The following FBN3 variants were observed in gnomAD, a reference collection of about 807,000 sequenced individuals.
The protein encoded by FBN3 is fibrillin-3.
In FBN3, 234 loss-of-function variants were observed where a neutral mutation model predicts 330.1. The observed-to-expected ratio is 0.71, with a 90% CI of 0.64 to 0.79. The LOEUF (loss-of-function observed/expected upper bound fraction) is 0.79, where lower values mean the gene tolerates loss of function less well. Ranked by LOEUF, FBN3 falls within the 30% of genes least tolerant of loss-of-function variation. The probability of loss-of-function intolerance (pLI) is 0.00; values close to 1 mark genes in which losing one functional copy is unlikely to be tolerated. For synonymous variants in FBN3, 1,458 were observed against 1,517.3 expected (o/e 0.96, Z 0.91); for missense variants, 3,606 against 3,886.9 (o/e 0.93, Z 1.92).
intron 29 of FBN3, 113 bp from the exon 30 acceptor site, chr19:8,115,753 G>T: frequency 8.0e-7 from 1 of 1,249,112 alleles, no homozygotes; most frequent in South Asian, 1.4e-5. Context: ...CGCCGCACAG[G>T]TCCTCTCTGC....
At chr19:8,098,814 G>A (rs1475280694) in intron 41 of FBN3, among the ~76,000 whole-genome samples, 1 of 151,898 alleles carries the variant, frequency 6.6e-6, no homozygotes, top group Non-Finnish European at 1.5e-5. Flanking sequence ...ATCCAAAGGG[G>A]ACTGGAAACA....
chr19:8,072,325 G>A, intron 62 of FBN3, 127 bp from the exon 63 acceptor site: 1 of 1,009,032 alleles, frequency 9.9e-7, no homozygotes, highest in South Asian at 1.6e-5. Context: ...AAATGCCTCT[G>A]AGCATGTGCT....
intron 41 of FBN3, among the ~76,000 whole-genome samples, chr19:8,098,114 T>C (rs776762491): frequency 6.6e-6 from 1 of 152,228 alleles, no homozygotes; most frequent in Non-Finnish European, 1.5e-5. Context: ...GAGGGCACTT[T>C]AAATGGGTGA....
At chr19:8,077,763 A>C (rs1031029798) in intron 59 of FBN3, among the ~76,000 whole-genome samples, 2 of 151,922 alleles carry the variant, frequency 1.3e-5, no homozygotes, top group Non-Finnish European at 2.9e-5. Flanking sequence ...GGCCACAGAG[A>C]ATAGCTCTAG....
intron 61 of FBN3, among the ~76,000 whole-genome samples, chr19:8,074,212 A>G (rs1259605366): frequency 3.3e-5 from 5 of 152,124 alleles, no homozygotes; most frequent in Admixed American, 2.0e-4. Flanking sequence ...GGGAGGAAAC[A>G]AGTTGAGGAA....
chr19:8,093,021 T>C (rs531295499), intron 47 of FBN3, among the ~76,000 whole-genome samples: 50 of 152,066 alleles, frequency 3.3e-4, no homozygotes, highest in African/African-American at 1.1e-3. Context: ...CTTATCCATG[T>C]AACCAAAAAC....
At position 8,110,969 on chromosome 19, in the gene FBN3, T is replaced by G. The variant is rs1270012318; in HGVS notation, c.4211-2A>C. The G allele has an allele frequency of 6.2e-7, 1 of 1,614,220 alleles. No homozygotes were observed. Among genetic ancestry groups the G allele is most frequent in the East Asian group, 2.2e-5 (1 of 44,882 alleles). Reference sequence around the variant, plus strand: ...TCCCTTGCGCACACTCGTCCACATCTGCGGGGACCCTGGGTCAGCCTGCCC... The same window carrying G: ...TCCCTTGCGCACACTCGTCCACATCGGCGGGGACCCTGGGTCAGCCTGCCC... On this transcript the variant is annotated splice_acceptor_variant, in intron 33 of 63. Coordinates refer to ENST00000600128, the MANE Select transcript of FBN3 (RefSeq NM_032447.5). LOFTEE classifies it high-confidence loss of function.
chr19:8,126,125 G>A (rs2039770093), intron 21 of FBN3, 108 bp from the exon 22 acceptor site: 1 of 1,518,746 alleles, frequency 6.6e-7, no homozygotes, highest in African/African-American at 1.4e-5. Context: ...AGGGGACGGG[G>A]ACACGGGGAC....
intron 63 of FBN3, among the ~76,000 whole-genome samples, chr19:8,070,351 T>C (rs910206949): frequency 1.3e-5 from 2 of 152,222 alleles, no homozygotes; most frequent in Non-Finnish European, 2.9e-5. Flanking sequence ...GTGTCTCCCT[T>C]TTAGAATATC....
intron 56 of FBN3, among the ~76,000 whole-genome samples, 172 bp from the exon 57 acceptor site, chr19:8,083,544 C>T (rs2081858084): frequency 6.6e-6 from 1 of 152,110 alleles, no homozygotes; most frequent in South Asian, 2.1e-4. Flanking sequence ...CTGCGGATGA[C>T]ACCTGAGCCC....
chr19:8,119,596 C>A (rs2082790088), intron 25 of FBN3, among the ~76,000 whole-genome samples: 1 of 152,096 alleles, frequency 6.6e-6, no homozygotes, highest in African/African-American at 2.4e-5. Context: ...TCACTGCAAC[C>A]TCCGCCTCCT....
chr19:8,128,122 G>A (rs1375298790), intron 18 of FBN3, among the ~76,000 whole-genome samples: 1 of 152,238 alleles, frequency 6.6e-6, no homozygotes, highest in Non-Finnish European at 1.5e-5. Context: ...TCGGCATGCC[G>A]CCCTGCCAGC....
rs753107151 is a variant in FBN3, at chr19:8,138,490, G to T, written c.940C>A (p.Arg314Ser). ...CCCCTGTCACAGCAGCACTGCCTGC[G>T]AGTGTAGTGGCCGGCGAGGTCTCCA... ...CAGDLAGHYTRRQCCCDRGRC... is the reference protein window; with the variant it reads ...CAGDLAGHYTSRQCCCDRGRC... Residue 314 changes from arginine (R) to serine (S), a missense_variant, in exon 9 of 64, where the codon CGC becomes AGC. By Grantham distance (110) the Arg-to-Ser change is moderately radical. Transcript: ENST00000600128. The T allele has an allele frequency of 5.0e-6, 8 of 1,613,090 alleles. 1 individual carries two copies. The South Asian group carries it at 7.7e-5, about 15-fold the overall frequency.
chr19:8,086,414 C>A, intron 54 of FBN3, 89 bp from the exon 55 acceptor site: 1 of 678,458 alleles, frequency 1.5e-6, no homozygotes, highest in South Asian at 4.9e-5. Flanking sequence ...TGGATCTGCC[C>A]AGGCCCTCTT....
chr19:8,085,239 A>ACACACAC, intron 56 of FBN3, 124 bp downstream of exon 56: 1 of 770,076 alleles, frequency 1.3e-6, no homozygotes, highest in Non-Finnish European at 2.1e-6. Flanking sequence ...ACACACACAC[A>ACACACAC]CACACACACA....
Position 8,136,399 on chromosome 19 carries a change from C to T in FBN3, c.1334G>A (p.Gly445Asp). ...CNVGYTQDVR[G>D]ECIDVDECTS... is the part of the protein sequence containing the mutation. Reference sequence around the variant, plus strand: ...TGGCCGCGGCTCACCAATGCACTCGCCGCGCACGTCCTGGGTGTAGCCCAC... The same window carrying T: ...TGGCCGCGGCTCACCAATGCACTCGTCGCGCACGTCCTGGGTGTAGCCCAC... The change falls in exon 11 of 64, where the codon GGC (glycine) becomes GAC (aspartate). Residue 445 changes from glycine (G) to aspartate (D), a missense_variant. Transcript: ENST00000600128. 2 of 1,613,932 alleles carry T rather than the reference C, an allele frequency of 1.2e-6. No homozygotes were observed. Among genetic ancestry groups the T allele is most frequent in the Non-Finnish European group, 1.7e-6 (2 of 1,179,896 alleles).
chr19:8,104,082 G>A (rs1249069845), intron 38 of FBN3, among the ~76,000 whole-genome samples: 3 of 146,946 alleles, frequency 2.0e-5, no homozygotes, highest in Admixed American at 1.4e-4. Context: ...CCGTGATCAC[G>A]CCTCTGCACT....
Position 8,133,041 on chromosome 19 carries a change from A to G in FBN3, c.1657T>C (p.Phe553Leu), listed in dbSNP as rs1460695442. 1.9e-6 allele frequency: 3 copies of G among 1,585,718 alleles called. No individual in the cohort carries two copies. Among genetic ancestry groups the G allele is most frequent in the Non-Finnish European group, 2.6e-6 (3 of 1,167,766 alleles). The part of the protein sequence containing the change: ...NGVCLNEDGS[F>L]SCLCKPGFLL... The stretch of plus-strand genomic sequence containing the variant: ...AAGCCGGGTTTGCAGAGGCAGGAGA[A>G]GCTGCCATCCTCGTTGAGACACACG... The change falls in exon 14 of 64, where the codon TTC (phenylalanine) becomes CTC (leucine). Residue 553 changes from phenylalanine to leucine, a missense_variant. Coordinates refer to ENST00000600128, the MANE Select transcript of FBN3 (RefSeq NM_032447.5).
Position 8,072,218 on chromosome 19 carries a change from G to T in FBN3, c.7938-20C>A, listed in dbSNP as rs7256904. 916,338 of 1,503,004 alleles carry T rather than the reference G, an allele frequency of 0.61. 281,586 individuals are homozygous for T. Among genetic ancestry groups the T allele is most frequent in the South Asian group, 0.77 (59,182 of 76,830 alleles). 93.1% of individuals were successfully genotyped at this position (1,503,004 alleles called of 1,614,324 possible). Reference sequence around the variant, plus strand: ...CAGTGCCTGGGCCAGGATGGGCAGGGTGGAGGGGTTTCAGAGGCGGGCTGA... The same window carrying T: ...CAGTGCCTGGGCCAGGATGGGCAGGTTGGAGGGGTTTCAGAGGCGGGCTGA... On this transcript the variant is annotated intron_variant, in intron 62 of 63. Transcript: ENST00000600128.
Sources: allele counts gnomAD v4.1 joint callset (sites outside exome capture counted in the v4.1 genomes callset), GRCh38; gene constraint gnomAD v4.1.1; transcripts MANE v1.5; gene names NCBI Gene and HGNC (gene_info 2026-07-23, HGNC 2026-07-21).